Variants in CELF2 observed in about 807,000 individuals in gnomAD.
CELF2 encodes CUG triplet repeat RNA-binding protein 2.
In CELF2, 8 loss-of-function variants were observed where a neutral mutation model predicts 62.6. That is an observed-to-expected ratio of 0.13 (90% CI 0.07 to 0.23). The LOEUF (loss-of-function observed/expected upper bound fraction) is 0.23. Ranked by LOEUF, CELF2 falls within the 10% of genes least tolerant of loss-of-function variation. The pLI is 1.00. For missense variants in CELF2, 333 were observed against 671.0 expected, an observed-to-expected ratio of 0.50 and a Z score of 5.56; for synonymous variants, 258 against 250.0, an observed-to-expected ratio of 1.03 and a Z score of -0.30.
At chr10:10,775,966 CACTT>C in the CELF2 span, among the ~76,000 whole-genome samples, 25 of 152,334 alleles carry the variant, frequency 1.6e-4, no homozygotes, top group East Asian at 4.6e-3. Context: ...GCTGCCTTGT[CACTT>C]ACAAGCTGGG....
intron 2 of CELF2, among the ~76,000 whole-genome samples, chr10:10,920,694 T>A (rs546899436): frequency 7.4e-6 from 1 of 134,348 alleles, no homozygotes; most frequent in Admixed American, 8.1e-5. Flanking sequence ...GAGGGAGAAA[T>A]GGAGAAAAGA....
the CELF2 span, among the ~76,000 whole-genome samples, chr10:10,563,129 A>T: frequency 5.8e-4 from 88 of 152,206 alleles, no homozygotes; most frequent in African/African-American, 1.8e-3. Context: ...GAAGAGTCAG[A>T]TAGAAGTCTT....
At chr10:10,480,861 T>A in the CELF2 span, among the ~76,000 whole-genome samples, 1 of 152,216 alleles carries the variant, frequency 6.6e-6, no homozygotes. Flanking sequence ...CCAAACACCA[T>A]AAATTTTATT....
chr10:11,188,716 C>G (rs1303771295), intron 2 of CELF2, among the ~76,000 whole-genome samples: 5 of 152,182 alleles, frequency 3.3e-5, no homozygotes, highest in African/African-American at 1.2e-4. Context: ...TTTCTTTTGT[C>G]AGATATTTTT....
intron 1 of CELF2, among the ~76,000 whole-genome samples, chr10:10,908,160 C>A (rs1053223209): frequency 1.4e-5 from 2 of 139,326 alleles, no homozygotes; most frequent in South Asian, 2.4e-4. Context: ...TACTCCTTTG[C>A]GGAATGAGGG....
chr10:10,721,443 T>C, the CELF2 span, among the ~76,000 whole-genome samples: 1 of 152,242 alleles, frequency 6.6e-6, no homozygotes, highest in Non-Finnish European at 1.5e-5. Context: ...AAGCTACTAT[T>C]TGTTCTCTTT....
At chr10:10,534,399 A>G in the CELF2 span, among the ~76,000 whole-genome samples, 1 of 152,268 alleles carries the variant, frequency 6.6e-6, no homozygotes, top group Admixed American at 6.5e-5. Flanking sequence ...GCTGATAGGG[A>G]CAAAGAGGGC....
chr10:11,176,876 T>C (rs2071381029), intron 2 of CELF2, among the ~76,000 whole-genome samples: 1 of 152,194 alleles, frequency 6.6e-6, no homozygotes, highest in Non-Finnish European at 1.5e-5. Context: ...CACTCAGTTT[T>C]GAAGATGGTG....
Position 11,334,029 on chromosome 10 carries a change from T to G in CELF2, c.*4976T>G, listed in dbSNP as rs1373678133. On this transcript the variant is annotated 3_prime_UTR_variant, in exon 13 of 13. Transcript: ENST00000633077. ...TCTTTTGAGAATTAAAAACTTTGGCTTGATTTCTTTTTTCCCTTTGCTTAT... is the reference window on the plus strand; with the variant it reads ...TCTTTTGAGAATTAAAAACTTTGGCGTGATTTCTTTTTTCCCTTTGCTTAT... The G allele has an allele frequency of 1.3e-5, 2 of 152,628 alleles. No homozygotes were observed. 9.5% of individuals were successfully genotyped at this position (152,628 alleles called of 1,614,324 possible).
chr10:11,187,769 G>T (rs886762122), intron 2 of CELF2, among the ~76,000 whole-genome samples: 1 of 144,886 alleles, frequency 6.9e-6, no homozygotes, highest in Non-Finnish European at 1.5e-5. Flanking sequence ...TTCTCCCTTC[G>T]CAGACTTTAT....
rs763374283 is a variant in CELF2 at position 10,936,210 on chromosome 10, T to C, written c.89+16211T>C. The stretch of plus-strand genomic sequence containing the variant: ...AAAGAGAGAGAAAAGAAAGAAACAA[T>C]AAGTCTTGCAGAGGTTAGAAAGAAG... On this transcript the variant is annotated intron_variant, in intron 2 of 13. Coordinates refer to the CELF2 transcript ENST00000636488. The surrounding 1 kb of genome is among the most constrained non-coding windows in gnomAD (Gnocchi z 4.0). 2.0e-5 allele frequency among the ~76,000 whole-genome samples: 3 copies of C among 151,874 alleles called. No homozygotes were observed. The highest frequency in any genetic ancestry group is 4.8e-5 in the African/African-American group (2 of 41,334).
In CELF2 at chr10:11,214,480, G is replaced by A. The variant is rs1203408265; in HGVS notation, c.272-2945G>A. The stretch of plus-strand genomic sequence containing the variant: ...TGCACAAGGGTATCCTACTGAGGCC[G>A]TGAATAGAGTAGAAATCCAGGCTGG... On this transcript the variant is annotated intron_variant, in intron 2 of 12. Coordinates refer to ENST00000633077, the MANE Select transcript of CELF2 (RefSeq NM_001326342.2). This position sits in a 1 kb window ranked among gnomAD's most constrained non-coding sequence, Gnocchi z 4.2. 1.3e-5 allele frequency among the ~76,000 whole-genome samples: 2 copies of A among 152,184 alleles called. No individual in the cohort carries two copies. The highest frequency in any genetic ancestry group is 1.3e-4 in the Admixed American group (2 of 15,284).
rs1413811053 is a variant in CELF2, at chr10:11,075,803, G to A, written c.74+57640G>A. On this transcript the variant is annotated intron_variant, in intron 1 of 12. Coordinates refer to ENST00000633077, the MANE Select transcript of CELF2 (RefSeq NM_001326342.2). The surrounding 1 kb of genome is among the most constrained non-coding windows in gnomAD (Gnocchi z 5.4). ...GTGCTATGGAATGATGGTTGAAAAC[G>A]TCGTAGGCAAGAAAAAAGCATCAGT... Among the ~76,000 whole-genome samples the A allele has an allele frequency of 2.0e-5, 3 of 152,066 alleles. No homozygotes were observed. Among genetic ancestry groups the A allele is most frequent in the Middle Eastern group, 6.8e-3 (2 of 294 alleles).
chr10:11,180,055 C>T (rs756470771), intron 2 of CELF2, among the ~76,000 whole-genome samples: 1 of 152,138 alleles, frequency 6.6e-6, no homozygotes, highest in Non-Finnish European at 1.5e-5. Context: ...CCTGTTGGTG[C>T]TCCTCAGTCA....
chr10:11,276,555 C>T (rs545917746), intron 8 of CELF2, among the ~76,000 whole-genome samples: 2 of 152,130 alleles, frequency 1.3e-5, no homozygotes, highest in African/African-American at 2.4e-5. Flanking sequence ...AAAGAGAAAA[C>T]CTCCTGATTG....
the CELF2 span, among the ~76,000 whole-genome samples, chr10:10,684,263 T>A: frequency 6.6e-6 from 1 of 152,114 alleles, no homozygotes; most frequent in Non-Finnish European, 1.5e-5. Flanking sequence ...TGTTCCTCTA[T>A]CAGTGTGCAA....
chr10:10,735,653 G>A, the CELF2 span, among the ~76,000 whole-genome samples: 32 of 152,168 alleles, frequency 2.1e-4, no homozygotes, highest in African/African-American at 7.7e-4. Flanking sequence ...TCATCCCCAT[G>A]ACGTTAAAGA....
chr10:10,466,666 C>A, the CELF2 span, among the ~76,000 whole-genome samples: 1 of 152,080 alleles, frequency 6.6e-6, no homozygotes, highest in East Asian at 1.9e-4. Flanking sequence ...TACTTTCTCC[C>A]GCAATGTTGG....
chr10:11,193,659 G>A (rs774750391), intron 2 of CELF2, among the ~76,000 whole-genome samples: 2 of 152,206 alleles, frequency 1.3e-5, no homozygotes, highest in African/African-American at 2.4e-5. Flanking sequence ...CGGGTGTACA[G>A]CAGAAGGATA....
Sources: gnomAD v4.1 joint callset for allele counts (sites outside exome capture counted in the v4.1 genomes callset) on GRCh38, gnomAD v4.1.1 for gene constraint, Gnocchi (gnomAD v3.1) non-coding constraint, MANE v1.5 for transcripts, NCBI Gene and HGNC (gene_info 2026-07-23, HGNC 2026-07-21) for gene names.